DYDC2: variants seen among roughly 807,000 people sequenced by gnomAD.
DYDC2 encodes the protein DPY30 domain containing 2, also known as DPY30 domain-containing protein 2.
A neutral mutation model predicts 18.7 loss-of-function variants in DYDC2; 19 were observed. The ratio of observed to expected loss-of-function variants is 1.02; its 90% CI spans 0.71 to 1.49. The LOEUF (loss-of-function observed/expected upper bound fraction) is 1.49, where lower values mean the gene tolerates loss of function less well. Among genes scored for constraint, DYDC2 ranks in the 40% most tolerant of loss-of-function variants. The pLI is 0.00. For missense variants in DYDC2, 179 were observed against 205.1 expected (o/e 0.87, Z 0.78); for synonymous variants, 63 against 67.6 (o/e 0.93, Z 0.34).
chr10:80,358,564 T>A (rs1355540994), intron 2 of DYDC2, among the ~76,000 whole-genome samples: 1 of 152,170 alleles, frequency 6.6e-6, no homozygotes, highest in Non-Finnish European at 1.5e-5. Context: ...GCTTGCCACA[T>A]GTAACCAGTG....
Position 80,357,897 on chromosome 10 carries a change from C to T in DYDC2, c.-158C>T, listed in dbSNP as rs571597269. ...TAAGTCAAGAAATATTTACAGAGCT[C>T]CCAGTGTGCCAAGCGTGGGCGGTAT... On this transcript the variant is annotated 5_prime_UTR_variant, in exon 2 of 5. Coordinates refer to ENST00000256039, the MANE Select transcript of DYDC2 (RefSeq NM_032372.6). 6.1e-6 allele frequency: 6 copies of T among 985,368 alleles called. No individual in the cohort carries two copies. The highest frequency in any genetic ancestry group is 9.4e-5 in the South Asian group (2 of 21,286). The allele number at this position is 985,368 out of a possible 1,614,324, so 61.0% of individuals were successfully genotyped here.
chr10:80,349,480 C>A (rs908403331), intron 1 of DYDC2, among the ~76,000 whole-genome samples: 1 of 151,990 alleles, frequency 6.6e-6, no homozygotes, highest in Non-Finnish European at 1.5e-5. Flanking sequence ...ACAATGCATT[C>A]TAAAATAATA....
chr10:80,352,117 C>A (rs1015474340), upstream of DYDC2: 2 of 912,848 alleles, frequency 2.2e-6, no homozygotes, highest in East Asian at 2.4e-5. Flanking sequence ...CAAATTATAG[C>A]CCATCCCTGT....
At chr10:80,362,620 G>A (rs748587680) in intron 3 of DYDC2, 30 bp downstream of exon 3, 3 of 1,568,556 alleles carry the variant, frequency 1.9e-6, no homozygotes, top group South Asian at 2.3e-5. Flanking sequence ...CTTAGGGAGG[G>A]CCCAGCTTTC....
At chr10:80,359,416 A>G (rs10160056) in intron 2 of DYDC2, among the ~76,000 whole-genome samples, 2 of 152,080 alleles carry the variant, frequency 1.3e-5, no homozygotes, top group African/African-American at 4.8e-5. Flanking sequence ...CACTAGACTC[A>G]GGAGCCCAAA....
At chr10:80,352,618 G>A (rs1163108697), upstream of DYDC2, 2 of 1,593,370 alleles carry the variant, frequency 1.3e-6, no homozygotes, top group Non-Finnish European at 1.7e-6. Flanking sequence ...CTCCTAAAAA[G>A]TAAGTGTTTT....
At chr10:80,358,135 T>C in intron 2 of DYDC2, 90 bp downstream of exon 2, 7 of 915,226 alleles carry the variant, frequency 7.6e-6, no homozygotes, top group Non-Finnish European at 9.1e-6. Context: ...CCTAGCACTT[T>C]GGGAGGCGGA....
rs1434700084 is a variant in DYDC2, at chr10:80,356,819, C to T, written c.-169C>T. ...GGCGCCGCAAAGCGGAAGGGGCGCG[C>T]GGATAGGTGAGCAGAGGGCACGCGG... On this transcript the variant is annotated 5_prime_UTR_variant, in exon 1 of 5. Transcript: ENST00000256039. 3 of 985,184 alleles carry T rather than the reference C, an allele frequency of 3.0e-6. No homozygotes were observed. Among genetic ancestry groups the T allele is most frequent in the Non-Finnish European group, 3.6e-6 (3 of 830,016 alleles). 61.0% of individuals were successfully genotyped at this position (985,184 alleles called of 1,614,324 possible).
intron 2 of DYDC2, 55 bp downstream of exon 2, chr10:80,358,100 G>T: frequency 1.0e-6 from 1 of 980,582 alleles, no homozygotes; most frequent in Non-Finnish European, 1.2e-6. Context: ...CCCTTGGCCA[G>T]GCGCGGTGGC....
In DYDC2 at chr10:80,366,795, C is replaced by T; in HGVS notation, c.378C>T (p.Ser126=). Residue 126 remains serine, a synonymous_variant, in exon 5 of 5, where the codon TCC becomes TCT. Coordinates refer to ENST00000256039, the MANE Select transcript of DYDC2 (RefSeq NM_032372.6). ...ALKQEFLPGT[S]SLIPGMPQQV... Reference sequence around the variant, plus strand: ...AGCAGGAATTCCTGCCAGGTACTTCCAGTCTGATTCCAGGAATGCCTCAAC... The same window carrying T: ...AGCAGGAATTCCTGCCAGGTACTTCTAGTCTGATTCCAGGAATGCCTCAAC... The T allele has an allele frequency of 3.1e-6, 5 of 1,614,190 alleles. No individual in the cohort carries two copies. Among genetic ancestry groups the T allele is most frequent in the Non-Finnish European group, 4.2e-6 (5 of 1,180,036 alleles).
intron 4 of DYDC2, among the ~76,000 whole-genome samples, chr10:80,365,236 T>C (rs937268284): frequency 2.6e-5 from 4 of 152,290 alleles, no homozygotes; most frequent in East Asian, 1.9e-4. Flanking sequence ...GCTTATCTAG[T>C]GGATGTATCA....
chr10:80,367,018 G>A lies in DYDC2; in HGVS notation c.*67G>A. On this transcript the variant is annotated 3_prime_UTR_variant, in exon 5 of 5. Coordinates refer to ENST00000256039, the MANE Select transcript of DYDC2 (RefSeq NM_032372.6). ...TAGAAGCCAAGAAAATGGCCAGCTAGAACCAAGATTTAAGGGGCTGTAAAA... is the reference window on the plus strand; with the variant it reads ...TAGAAGCCAAGAAAATGGCCAGCTAAAACCAAGATTTAAGGGGCTGTAAAA... The A allele has an allele frequency of 6.5e-7, 1 of 1,539,892 alleles. No homozygotes were observed. The highest frequency in any genetic ancestry group is 8.7e-7 in the Non-Finnish European group (1 of 1,149,150).
chr10:80,362,699 T>TTCTTGGTTTC, intron 3 of DYDC2, 109 bp downstream of exon 3: 1 of 1,482,406 alleles, frequency 6.7e-7, no homozygotes, highest in Non-Finnish European at 9.0e-7. Context: ...TCTTGGTTTA[T>TTCTTGGTTTC]TTGACTTGCT....
upstream of DYDC2, chr10:80,352,556 G>C: frequency 6.2e-7 from 1 of 1,613,340 alleles, no homozygotes; most frequent in Non-Finnish European, 8.5e-7. Flanking sequence ...GCAAGACCTT[G>C]AGTTAAACAG....
At chr10:80,363,209 A>G (rs1358786727) in intron 4 of DYDC2, 136 bp downstream of exon 4, 2 of 770,036 alleles carry the variant, frequency 2.6e-6, no homozygotes, top group African/African-American at 3.6e-5. Flanking sequence ...ATGTGCAAGT[A>G]TTCACATATT....
intron 3 of DYDC2, 120 bp downstream of exon 3, chr10:80,362,710 C>T: frequency 6.9e-7 from 1 of 1,459,642 alleles, no homozygotes; most frequent in Non-Finnish European, 9.2e-7. Flanking sequence ...TTGACTTGCT[C>T]TTAGAGCCAG....
At chr10:80,361,191 T>C (rs943358725) in intron 2 of DYDC2, among the ~76,000 whole-genome samples, 1 of 152,200 alleles carries the variant, frequency 6.6e-6, no homozygotes, top group Non-Finnish European at 1.5e-5. Context: ...CCCTCAACAT[T>C]TTTAAGAGTA....
rs1227751643 is a variant in DYDC2 at position 80,345,306 on chromosome 10, A to G, written c.-310+491A>G. Among the ~76,000 whole-genome samples, 5 of 152,188 alleles carry G rather than the reference A, an allele frequency of 3.3e-5. No individual in the cohort carries two copies. In the East Asian group the frequency reaches 9.6e-4, roughly 29 times the overall value. ...TTATGAATTTTTGAGCTCAGGGTCA[A>G]GATTTAACTTTTTATTGTGTAAATT... On this transcript the variant is annotated intron_variant, in intron 1 of 4. Transcript: ENST00000372197.
chr10:80,352,814 A>G (rs900030647), upstream of DYDC2: 2 of 471,462 alleles, frequency 4.2e-6, no homozygotes, highest in Non-Finnish European at 6.7e-6. Context: ...TACAACTAAC[A>G]TGGTTTCAAA....
Sources: allele counts gnomAD v4.1 joint callset (sites outside exome capture counted in the v4.1 genomes callset), GRCh38; gene constraint gnomAD v4.1.1; transcripts MANE v1.5; gene names NCBI Gene and HGNC (gene_info 2026-07-23, HGNC 2026-07-21).